Variants in DMD observed in about 807,000 individuals in gnomAD.
DMD encodes dystrophin.
A neutral mutation model predicts 330.1 loss-of-function variants in DMD; 63 were observed. The observed-to-expected ratio is 0.19, with a 90% CI of 0.16 to 0.24. The LOEUF (loss-of-function observed/expected upper bound fraction) is 0.24. Among genes scored for constraint, DMD ranks in the 10% least tolerant of loss-of-function variants. The pLI is 1.00. For synonymous variants in DMD, 1,223 were observed against 959.8 expected (o/e 1.27, Z -5.07); for missense variants, 3,344 against 2,684.1 (o/e 1.25, Z -5.43).
intron 37 of DMD, among the ~76,000 whole-genome samples, chrX:32,358,178 A>AT (rs1041445263): frequency 1.8e-5 from 2 of 111,186 alleles, no homozygotes; most frequent in African/African-American, 6.5e-5. Flanking sequence ...CTCAACTAGC[A>AT]TCTCTCCCAA....
At chrX:32,133,503 A>G (rs2096709567) in intron 44 of DMD, among the ~76,000 whole-genome samples, 1 of 111,761 alleles carries the variant, frequency 8.9e-6, no homozygotes, top group Non-Finnish European at 1.9e-5. Context: ...GCTGAACTCT[A>G]AAGGTATTTA....
chrX:31,280,636 C>T (rs907698863), intron 62 of DMD, among the ~76,000 whole-genome samples: 18 of 111,860 alleles, frequency 1.6e-4, no homozygotes, highest in Non-Finnish European at 3.0e-4. Context: ...TTTAAAAAAG[C>T]GTTTGCCCTA....
At chrX:32,482,242 A>G (rs1425026923) in intron 21 of DMD, among the ~76,000 whole-genome samples, 1 of 111,534 alleles carries the variant, frequency 9.0e-6, no homozygotes, top group Non-Finnish European at 1.9e-5. Flanking sequence ...AGCATATAAC[A>G]TGAGTTTACT....
chrX:33,123,811 G>A (rs1303103510), intron 1 of DMD, among the ~76,000 whole-genome samples: 1 of 107,349 alleles, frequency 9.3e-6, no homozygotes, highest in African/African-American at 3.4e-5. Flanking sequence ...TAATCTAATA[G>A]CTATCAGAAT....
At chrX:32,129,728 G>GGGA (rs1557158721) in intron 44 of DMD, among the ~76,000 whole-genome samples, 1 of 21,423 alleles carries the variant, frequency 4.7e-5, no homozygotes, top group Non-Finnish European at 2.2e-4. Flanking sequence ...AGAGAGGGAG[G>GGGA]GAGAGAGAGA....
intron 2 of DMD, among the ~76,000 whole-genome samples, chrX:32,983,528 T>TATAC: frequency 1.4e-5 from 1 of 73,565 alleles, no homozygotes; most frequent in South Asian, 8.6e-4. Flanking sequence ...CAGAACTAAA[T>TATAC]ACACACACAC....
intron 9 of DMD, among the ~76,000 whole-genome samples, chrX:32,696,523 G>C (rs2063666015): frequency 8.9e-6 from 1 of 111,945 alleles, no homozygotes; most frequent in Admixed American, 9.5e-5. Context: ...CACAAAGGTA[G>C]AATGAGCAGA....
At chrX:32,794,578 G>A (rs763107021) in intron 7 of DMD, among the ~76,000 whole-genome samples, 60 of 111,221 alleles carry the variant, frequency 5.4e-4, no homozygotes, top group Admixed American at 1.1e-3. Flanking sequence ...AACAGAGCAA[G>A]ACTCCATCTC....
At chrX:32,530,892 C>G (rs2047414762) in intron 17 of DMD, among the ~76,000 whole-genome samples, 1 of 111,687 alleles carries the variant, frequency 9.0e-6, no homozygotes, top group Admixed American at 9.5e-5. Context: ...ATAATATACT[C>G]AAGTTGAAAA....
intron 16 of DMD, among the ~76,000 whole-genome samples, chrX:32,560,547 G>C (rs1340086888): frequency 9.0e-6 from 1 of 110,655 alleles, no homozygotes; most frequent in African/African-American, 3.3e-5. Context: ...CCATTAGGTA[G>C]ATATTGAGCC....
intron 67 of DMD, among the ~76,000 whole-genome samples, chrX:31,201,158 TACACAC>T (rs57235865): frequency 0.026 from 2,592 of 98,245 alleles, 87 homozygotes; most frequent in African/African-American, 0.088. Context: ...AGAGACCCTG[TACACAC>T]ACACACACAC....
At chrX:33,120,386 A>G (rs1009012045) in intron 1 of DMD, among the ~76,000 whole-genome samples, 2 of 111,509 alleles carry the variant, frequency 1.8e-5, no homozygotes, top group African/African-American at 6.5e-5. Context: ...GCTTTTTTCA[A>G]GTACTTCCAT....
intron 62 of DMD, among the ~76,000 whole-genome samples, chrX:31,304,641 C>T (rs2054891907): frequency 1.9e-5 from 2 of 107,876 alleles, no homozygotes; most frequent in Admixed American, 2.0e-4. Context: ...ATAAAATTTA[C>T]AATAGCTGGT....
rs2094864525 is a variant in DMD, at chrX:31,932,230, G to A, written c.6615-3C>T. On this transcript the variant is annotated splice_region_variant and splice_polypyrimidine_tract_variant and intron_variant, in intron 45 of 78. Coordinates refer to ENST00000357033, the MANE Select transcript of DMD (RefSeq NM_004006.3). ...AGATATTCTTTTGTTCTTCTAGCCT[G>A]GAGAAAGAAGAATAAAATTGTTATT... is the stretch of plus-strand genomic sequence containing the variant. 8.6e-7 allele frequency: 1 copy of A among 1,169,105 alleles called. No individual in the cohort carries two copies. Among genetic ancestry groups the A allele is most frequent in the African/African-American group, 1.8e-5 (1 of 56,225 alleles).
intron 35 of DMD, 84 bp downstream of exon 35, chrX:32,364,936 C>G (rs990136503): frequency 2.4e-5 from 26 of 1,080,864 alleles, no homozygotes; most frequent in Middle Eastern, 2.5e-4. Flanking sequence ...GAGAAATTTT[C>G]AAACACAGAA....
chrX:32,581,833 C>T (rs1299172523), intron 13 of DMD, among the ~76,000 whole-genome samples: 1 of 111,336 alleles, frequency 9.0e-6, no homozygotes, highest in Non-Finnish European at 1.9e-5. Context: ...TCTAGCAATA[C>T]ACAAAAAAGA....
intron 7 of DMD, among the ~76,000 whole-genome samples, chrX:32,765,367 AC>A (rs1203852535): frequency 9.2e-6 from 1 of 109,162 alleles, no homozygotes; most frequent in East Asian, 2.9e-4. Flanking sequence ...ATCTCCCTCC[AC>A]CCCTCTTGCT....
At chrX:31,891,805 A>G (rs917247085) in intron 47 of DMD, among the ~76,000 whole-genome samples, 7 of 111,458 alleles carry the variant, frequency 6.3e-5, no homozygotes, top group Admixed American at 5.8e-4. Context: ...TTGTGGCCCA[A>G]CCTCCAGTCC....
intron 2 of DMD, among the ~76,000 whole-genome samples, chrX:32,892,518 C>G (rs759523551): frequency 9.0e-5 from 10 of 111,644 alleles, no homozygotes; most frequent in Non-Finnish European, 1.5e-4. Context: ...CTCGGCCTCC[C>G]AAATAGCTGG....
Sources: allele counts gnomAD v4.1 joint callset (sites outside exome capture counted in the v4.1 genomes callset), GRCh38; gene constraint gnomAD v4.1.1; transcripts MANE v1.5; gene names NCBI Gene and HGNC (gene_info 2026-07-23, HGNC 2026-07-21).